Variants in FNBP4 observed in about 807,000 individuals in gnomAD.
FNBP4 encodes the protein formin-binding protein 4.
FNBP4 carries 34 observed loss-of-function variants against 119.3 expected under a neutral mutation model. That is an observed-to-expected ratio of 0.28 (90% CI 0.22 to 0.38). The LOEUF (loss-of-function observed/expected upper bound fraction) is 0.38, where lower values mean the gene tolerates loss of function less well. Among genes scored for constraint, FNBP4 ranks in the 10% least tolerant of loss-of-function variants. The pLI, the probability that FNBP4 is intolerant of heterozygous loss-of-function variation, is 1.00. For missense variants in FNBP4, 1,112 were observed against 1,228.9 expected (o/e 0.90, Z 1.42); for synonymous variants, 462 against 430.6 (o/e 1.07, Z -0.90).
chr11:47,765,430 T>C, intron 1 of FNBP4, 68 bp from the exon 2 acceptor site: 1 of 1,036,956 alleles, frequency 9.6e-7, no homozygotes, highest in South Asian at 1.4e-5. Flanking sequence ...TGCAGTCAGA[T>C]TCCAGACCAG....
At chr11:47,745,987 C>G (rs2097589414) in intron 7 of FNBP4, 69 bp downstream of exon 7, 2 of 1,305,628 alleles carry the variant, frequency 1.5e-6, no homozygotes, top group Non-Finnish European at 2.1e-6. Flanking sequence ...GGTTGTAAGT[C>G]AAGCACAATG....
chr11:47,738,538 CT>C (rs1227676856), intron 8 of FNBP4, among the ~76,000 whole-genome samples: 1 of 152,074 alleles, frequency 6.6e-6, no homozygotes, highest in African/African-American at 2.4e-5. Flanking sequence ...GCAGTCCAGT[CT>C]GGGCAACAAG....
chr11:47,746,133 C>T lies in FNBP4; in HGVS notation c.1168G>A (p.Val390Ile). ...TCCTCACTTTCTCCAGATTGGACAA[C>T]ACTGCAAAGATCCTCCTGAGAAGGG... ...EDPSQEDLCS[V>I]VQSGESEEEE... Residue 390 changes from valine to isoleucine, a missense_variant, in exon 7 of 17, where the codon GTT becomes ATT. Val to Ile is a conservative substitution (Grantham distance 29, BLOSUM62 3). Coordinates refer to ENST00000263773, the MANE Select transcript of FNBP4 (RefSeq NM_015308.5). The T allele has an allele frequency of 6.2e-7, 1 of 1,614,124 alleles. No individual in the cohort carries two copies. Among genetic ancestry groups the T allele is most frequent in the Non-Finnish European group, 8.5e-7 (1 of 1,180,020 alleles).
chr11:47,755,261 C>A (rs2097614390), intron 2 of FNBP4, among the ~76,000 whole-genome samples: 1 of 151,764 alleles, frequency 6.6e-6, no homozygotes, highest in South Asian at 2.1e-4. Flanking sequence ...ACCAGCCTGA[C>A]CAACATGGAG....
At chr11:47,722,404 A>T (rs964199694) in intron 15 of FNBP4, among the ~76,000 whole-genome samples, 5 of 151,598 alleles carry the variant, frequency 3.3e-5, no homozygotes, top group African/African-American at 7.3e-5. Context: ...TTTTAAGAGA[A>T]GCAGTTGTAT....
At chr11:47,739,371 T>C (rs759916019) in intron 8 of FNBP4, among the ~76,000 whole-genome samples, 1 of 152,174 alleles carries the variant, frequency 6.6e-6, no homozygotes, top group Non-Finnish European at 1.5e-5. Flanking sequence ...TTTAATGCCA[T>C]TATATATTAA....
At chr11:47,765,970 G>A (rs2097647014) in intron 1 of FNBP4, among the ~76,000 whole-genome samples, 1 of 150,082 alleles carries the variant, frequency 6.7e-6, no homozygotes, top group South Asian at 2.1e-4. Context: ...ACAGGCATGA[G>A]TCACCGTGCC....
At chr11:47,741,294 T>C (rs554036182) in intron 8 of FNBP4, among the ~76,000 whole-genome samples, 1 of 151,744 alleles carries the variant, frequency 6.6e-6, no homozygotes, top group African/African-American at 2.4e-5. Context: ...CTCAACATCC[T>C]GAGTAGCTGG....
intron 12 of FNBP4, chr11:47,725,828 A>AT (rs2097560350): frequency 1.0e-6 from 1 of 971,712 alleles, no homozygotes; most frequent in Non-Finnish European, 1.2e-6. Flanking sequence ...GTTGAAGGGG[A>AT]TTTTCTCCCT....
chr11:47,722,155 T>G (rs2097556503), intron 15 of FNBP4, among the ~76,000 whole-genome samples: 1 of 151,194 alleles, frequency 6.6e-6, no homozygotes, highest in South Asian at 2.1e-4. Flanking sequence ...TTTTTTTTTT[T>G]TTTGTCTGTT....
rs1008966077 is a variant in FNBP4, at chr11:47,732,299, C to T, written c.1820+238G>A. On this transcript the variant is annotated intron_variant, in intron 11 of 16. Transcript: ENST00000263773. The surrounding 1 kb of genome is among the most constrained non-coding windows in gnomAD (Gnocchi z 4.2). ...CGTGCAACACTCTGGAGAGTAAAAA[C>T]CAGCTTTGTCCATATCTTGGGAAAA... is the stretch of plus-strand genomic sequence containing the variant. 1 of 1,375,182 alleles carries T rather than the reference C, an allele frequency of 7.3e-7. No homozygotes were observed. The highest frequency in any genetic ancestry group is 1.5e-5 in the African/African-American group (1 of 68,562). 85.2% of individuals were successfully genotyped at this position (1,375,182 alleles called of 1,614,324 possible).
chr11:47,743,504 A>T (rs530100505), intron 8 of FNBP4, among the ~76,000 whole-genome samples: 7 of 152,284 alleles, frequency 4.6e-5, no homozygotes, highest in African/African-American at 7.2e-5. Flanking sequence ...AGAAAAAAAA[A>T]TAATTAGGGC....
rs766080304 is a variant in FNBP4, at chr11:47,724,634, G to A, written c.2153C>T (p.Pro718Leu). ...AGGAGGGGGTGGAGGTGATTCTGGA[G>A]GTGGAGGTGGGGGTGGTGGCATTTC... The part of the protein sequence containing the change: ...PLEMPPPPPP[P>L]PESPPPPPPP... The change falls in exon 13 of 17, where the codon CCT becomes CTT. Residue 718 changes from proline to leucine, a missense_variant. Pro to Leu is a moderately conservative substitution (Grantham distance 98). This residue lies in a region of FNBP4 where 826 missense variants were observed against 988.8 expected (regional missense o/e 0.84). Coordinates refer to ENST00000263773, the MANE Select transcript of FNBP4 (RefSeq NM_015308.5). 5 of 1,614,114 alleles carry A rather than the reference G, an allele frequency of 3.1e-6. No individual in the cohort carries two copies. Among genetic ancestry groups the A allele is most frequent in the Middle Eastern group, 1.6e-4 (1 of 6,062 alleles).
intron 14 of FNBP4, 32 bp downstream of exon 14, chr11:47,723,996 T>C (rs772007250): frequency 1.7e-5 from 27 of 1,594,292 alleles, no homozygotes; most frequent in African/African-American, 2.7e-5. Context: ...AAACAATACA[T>C]TGAGGAAAAA....
chr11:47,756,522 T>C (rs553316890), intron 2 of FNBP4, among the ~76,000 whole-genome samples: 1 of 152,216 alleles, frequency 6.6e-6, no homozygotes, highest in East Asian at 1.9e-4. Flanking sequence ...TTCATTTTTT[T>C]CTTTCTGTAT....
chr11:47,765,501 A>G (rs2097645502), intron 1 of FNBP4, 139 bp from the exon 2 acceptor site: 1 of 445,952 alleles, frequency 2.2e-6, no homozygotes, highest in South Asian at 2.4e-5. Context: ...AGATTCCATC[A>G]ATTTTTTAAA....
Position 47,717,375 on chromosome 11 carries a change from G to T in FNBP4, c.*47C>A. 1.5e-6 allele frequency: 2 copies of T among 1,306,512 alleles called. No individual in the cohort carries two copies. The highest frequency in any genetic ancestry group is 1.2e-5 in the South Asian group (1 of 80,942). 80.9% of individuals were successfully genotyped at this position (1,306,512 alleles called of 1,614,324 possible). A position where few individuals can be genotyped will look rare whatever the true frequency, so the allele number is the denominator to read the frequency against. ...ATAAAACTGGTTAAGACTTTGAACT[G>T]AACACAAAACAAACAATAATACAAA... On this transcript the variant is annotated 3_prime_UTR_variant, in exon 17 of 17. Coordinates refer to ENST00000263773, the MANE Select transcript of FNBP4 (RefSeq NM_015308.5).
At chr11:47,745,981 G>T (rs1450492836) in intron 7 of FNBP4, 75 bp downstream of exon 7, 19 of 1,258,014 alleles carry the variant, frequency 1.5e-5, no homozygotes, top group South Asian at 3.0e-5. Flanking sequence ...AATAATGGTT[G>T]TAAGTCAAGC....
intron 15 of FNBP4, among the ~76,000 whole-genome samples, chr11:47,720,445 G>A (rs1235376876): frequency 2.0e-5 from 3 of 152,120 alleles, no homozygotes; most frequent in East Asian, 3.9e-4. Flanking sequence ...GCGGGCGCCT[G>A]TAGTCTCAGC....
Sources: allele counts gnomAD v4.1 joint callset (sites outside exome capture counted in the v4.1 genomes callset), GRCh38; gene constraint gnomAD v4.1.1; regional missense constraint gnomAD v4.1.1; non-coding constraint Gnocchi (gnomAD v3.1); transcripts MANE v1.5; gene names NCBI Gene and HGNC (gene_info 2026-07-23, HGNC 2026-07-21).